The following TRIP11 variants were observed in gnomAD, a reference collection of about 807,000 sequenced individuals.
TRIP11 encodes thyroid receptor-interacting protein 11.
Under a neutral mutation model 223.1 loss-of-function variants are expected in TRIP11, and 148 were observed. The observed-to-expected ratio is 0.66, with a 90% CI of 0.58 to 0.76. The LOEUF is 0.76. TRIP11 is among the 30% of genes least tolerant of loss of function. The pLI is 0.00. For missense variants in TRIP11, 2,043 were observed against 2,222.0 expected, an observed-to-expected ratio of 0.92 and a Z score of 1.62; for synonymous variants, 762 against 772.6, an observed-to-expected ratio of 0.99 and a Z score of 0.23.
intron 12 of TRIP11, 149 bp downstream of exon 12, chr14:91,999,819 G>T (rs1018430373): frequency 1.9e-6 from 2 of 1,035,248 alleles, no homozygotes; most frequent in South Asian, 1.6e-5. Flanking sequence ...TGCACCATGG[G>T]AGATTAAAAT....
intron 9 of TRIP11, among the ~76,000 whole-genome samples, chr14:92,009,774 G>C (rs1040064544): frequency 6.6e-6 from 1 of 152,164 alleles, no homozygotes; most frequent in Non-Finnish European, 1.5e-5. Context: ...AATATGGTAT[G>C]TAAAAAGGAT....
At chr14:92,019,141 C>T (rs17127866) in intron 4 of TRIP11, among the ~76,000 whole-genome samples, 3,509 of 151,918 alleles carry the variant, frequency 0.023, 132 homozygotes, top group African/African-American at 0.072. Context: ...GTCCTCTGAA[C>T]GGTCCCAATT....
chr14:92,009,031 C>T (rs1213388890), intron 9 of TRIP11, among the ~76,000 whole-genome samples: 1 of 152,170 alleles, frequency 6.6e-6, no homozygotes, highest in African/African-American at 2.4e-5. Context: ...TATCACAATT[C>T]TTATTTCCTT....
Position 92,004,672 on chromosome 14 carries a change from AT to A in TRIP11, c.3303del (p.Phe1102LeufsTer4). On this transcript the variant is annotated frameshift_variant, in exon 11 of 21. Transcript: ENST00000267622. LOFTEE classifies it high-confidence loss of function. The stretch of plus-strand genomic sequence containing the variant: ...CTAGTCTTCTCATTCAAAACAGCAA[AT>A]ACCTTTTCTCTTTCCATAGCATAAG... The part of the protein sequence containing the change: ...LQAYAMEREK[V>X]FAVLNEKTRE... 1 of 1,614,166 alleles carries A rather than the reference AT, an allele frequency of 6.2e-7. No individual in the cohort carries two copies. The highest frequency in any genetic ancestry group is 8.5e-7 in the Non-Finnish European group (1 of 1,180,018).
At chr14:92,001,866 C>G (rs1418350005) in intron 11 of TRIP11, among the ~76,000 whole-genome samples, 1 of 152,120 alleles carries the variant, frequency 6.6e-6, no homozygotes, top group East Asian at 1.9e-4. Flanking sequence ...ACCATTAAAG[C>G]TAAGAAGTTA....
intron 2 of TRIP11, among the ~76,000 whole-genome samples, chr14:92,029,285 T>A (rs1318096816): frequency 7.7e-4 from 15 of 19,576 alleles, no homozygotes; most frequent in South Asian, 3.4e-3. Context: ...GTATTATTTT[T>A]TTTTTTTTTT....
rs1364207864 is a variant in TRIP11 at position 92,017,726 on chromosome 14, T to G, written c.613A>C (p.Asn205His). Residue 205 changes from asparagine (N) to histidine (H), a missense_variant, in exon 5 of 21, where the codon AAC (asparagine) becomes CAC (histidine). Transcript: ENST00000267622. ...AQTSKAQGTDNSDQSEICKLQ... is the reference protein window; with the variant it reads ...AQTSKAQGTDHSDQSEICKLQ... ...TTACATATTTCACTTTGATCAGAGT[T>G]ATCTGTTCCTTGTGCTTTGGAAGTC... 6.2e-7 allele frequency: 1 copy of G among 1,612,884 alleles called. No homozygotes were observed. The highest frequency in any genetic ancestry group is 1.3e-5 in the African/African-American group (1 of 74,926).
Position 92,005,045 on chromosome 14 carries a change from G to A in TRIP11, c.2931C>T (p.Thr977=), listed in dbSNP as rs7152887. 6,649 of 1,613,840 alleles carry A rather than the reference G, an allele frequency of 4.1e-3. 101 individuals carry two copies. In the African/African-American group the frequency reaches 0.042, roughly 10 times the overall value. The change falls in exon 11 of 21, where the codon ACC becomes ACT. Residue 977 remains threonine (T), a synonymous_variant. Transcript: ENST00000267622. ...SLQKTIEQIK[T]QLHEERQDIQ... ...TGTCCTGTCTTTCTTCATGCAACTG[G>A]GTTTTGATTTGTTCAATTGTTTTTT...
Position 91,993,913 on chromosome 14 carries a change from C to A in TRIP11, c.5057-1G>T. 2.5e-6 allele frequency: 4 copies of A among 1,609,612 alleles called. No homozygotes were observed. The highest frequency in any genetic ancestry group is 3.4e-6 in the Non-Finnish European group (4 of 1,176,952). On this transcript the variant is annotated splice_acceptor_variant, in intron 14 of 20. Transcript: ENST00000267622. LOFTEE classifies it high-confidence loss of function. ...TCAGCAGAATACATAGCTTTTTCCT[C>A]TAAAGAGAAAAGAAAGTTAACATTA...
chr14:91,991,508 C>T (rs1471904795), intron 15 of TRIP11, among the ~76,000 whole-genome samples: 1 of 152,146 alleles, frequency 6.6e-6, no homozygotes, highest in Admixed American at 6.5e-5. Context: ...CATGTGCCTG[C>T]TAGTGGGAGT....
chr14:92,008,000 A>G, intron 9 of TRIP11, 148 bp from the exon 10 acceptor site: 1 of 663,154 alleles, frequency 1.5e-6, no homozygotes, highest in South Asian at 1.9e-5. Flanking sequence ...ATTGTATGTG[A>G]AATTCAACAA....
At chr14:92,039,486 G>C (rs1039956782) in intron 1 of TRIP11, 61 bp downstream of exon 1, 2 of 1,587,312 alleles carry the variant, frequency 1.3e-6, no homozygotes, top group African/African-American at 1.3e-5. Context: ...TGGAAGTAGG[G>C]ACCAAACGGA....
intron 4 of TRIP11, among the ~76,000 whole-genome samples, chr14:92,020,251 C>CAA (rs573852798): frequency 1.5e-5 from 2 of 137,466 alleles, no homozygotes; most frequent in African/African-American, 5.4e-5. Flanking sequence ...GACTCTCTCT[C>CAA]AAAAAAAAAA....
rs1181761046 is a variant in TRIP11 at position 92,006,225 on chromosome 14, T to G, written c.1751A>C (p.Lys584Thr). 2 of 1,613,292 alleles carry G rather than the reference T, an allele frequency of 1.2e-6. No homozygotes were observed. The highest frequency in any genetic ancestry group is 2.2e-5 in the South Asian group (2 of 90,888). ...TAGCTGATCTACTAAATTTTCTACT[T>G]TGTCCTCAAGTTTCTGCTTGGTTAA... ...LHLTKQKLEDKVENLVDQLNK... is the reference protein window; with the variant it reads ...LHLTKQKLEDTVENLVDQLNK... Residue 584 changes from lysine (K) to threonine (T), a missense_variant, in exon 11 of 21, where the codon AAA becomes ACA. Physicochemically the swap from Lys to Thr is moderately conservative, Grantham distance 78 (BLOSUM62 -1). Transcript: ENST00000267622.
intron 1 of TRIP11, 47 bp from the exon 2 acceptor site, chr14:92,033,300 A>C (rs772316024): frequency 7.0e-7 from 1 of 1,421,378 alleles, no homozygotes; most frequent in African/African-American, 1.4e-5. Context: ...ATACCATATG[A>C]AGTAATAAAT....
intron 18 of TRIP11, 106 bp from the exon 19 acceptor site, chr14:91,974,849 G>A (rs1457337993): frequency 2.1e-6 from 2 of 940,762 alleles, no homozygotes; most frequent in South Asian, 3.1e-5. Context: ...TGCTTTTCAA[G>A]TTCAAGTCCT....
intron 15 of TRIP11, among the ~76,000 whole-genome samples, chr14:91,991,579 T>C (rs1047436175): frequency 2.0e-5 from 3 of 152,168 alleles, no homozygotes; most frequent in African/African-American, 7.2e-5. Context: ...GTTGACCATA[T>C]ATGTCCTATA....
intron 7 of TRIP11, among the ~76,000 whole-genome samples, chr14:92,012,546 C>A (rs2056985448): frequency 6.6e-6 from 1 of 152,036 alleles, no homozygotes; most frequent in Admixed American, 6.5e-5. Context: ...TTAGGAGGAG[C>A]AAATGGGGCC....
intron 2 of TRIP11, among the ~76,000 whole-genome samples, chr14:92,031,710 G>A (rs1459840963): frequency 6.6e-6 from 1 of 152,196 alleles, no homozygotes; most frequent in Non-Finnish European, 1.5e-5. Context: ...TTAAAAAGCA[G>A]TTCACTGAAT....
Sources: gnomAD v4.1 joint callset for allele counts (sites outside exome capture counted in the v4.1 genomes callset) on GRCh38, gnomAD v4.1.1 for gene constraint, MANE v1.5 for transcripts, NCBI Gene and HGNC (gene_info 2026-07-23, HGNC 2026-07-21) for gene names.